The following KIF26B variants were observed in gnomAD, a reference collection of about 807,000 sequenced individuals.
The protein encoded by KIF26B is kinesin-like protein KIF26B.
Under a neutral mutation model 151.2 loss-of-function variants are expected in KIF26B, and 63 were observed. That is an observed-to-expected ratio of 0.42 (90% CI 0.34 to 0.51). The LOEUF is 0.51. KIF26B is among the 20% of genes least tolerant of loss of function. The pLI is 0.07. For missense variants in KIF26B, 2,813 were observed against 2,913.6 expected (o/e 0.97, Z 0.79); for synonymous variants, 1,357 against 1,262.1 (o/e 1.08, Z -1.59).
At position 245,702,908 on chromosome 1, in the gene KIF26B, CAAAAG is replaced by C; in HGVS notation, c.*304_*308del. 1 of 314,730 alleles carries C rather than the reference CAAAAG, an allele frequency of 3.2e-6. No homozygotes were observed. The highest frequency in any genetic ancestry group is 5.8e-6 in the Non-Finnish European group (1 of 173,068). 19.5% of individuals were successfully genotyped at this position (314,730 alleles called of 1,614,324 possible). ...CTTGTTTGTACATAAGAACTGCTAG[CAAAAG>C]AGACCTCACTCTTCTCTTGCTTTCG... On this transcript the variant is annotated 3_prime_UTR_variant, in exon 15 of 15. Coordinates refer to ENST00000407071, the MANE Select transcript of KIF26B (RefSeq NM_018012.4). The surrounding 1 kb of genome is among the most constrained non-coding windows in gnomAD (Gnocchi z 4.1).
chr1:245,656,346 G>C (rs1174093484), intron 10 of KIF26B, among the ~76,000 whole-genome samples: 1 of 152,168 alleles, frequency 6.6e-6, no homozygotes, highest in Non-Finnish European at 1.5e-5. Context: ...GTTTGCCACA[G>C]TCCGTCCTCT....
At chr1:245,329,848 C>T (rs1282948064) in intron 2 of KIF26B, among the ~76,000 whole-genome samples, 3 of 152,198 alleles carry the variant, frequency 2.0e-5, no homozygotes, top group East Asian at 3.8e-4. Flanking sequence ...GGCCTCACTC[C>T]GTTGTACAGG....
At chr1:245,266,650 G>A (rs1670751320) in intron 2 of KIF26B, among the ~76,000 whole-genome samples, 1 of 152,134 alleles carries the variant, frequency 6.6e-6, no homozygotes. Flanking sequence ...GGGACTACAG[G>A]CGCCTACCAC....
chr1:245,703,566 C>A lies in KIF26B; in HGVS notation c.*960C>A, dbSNP rs2044802450. 6.6e-6 allele frequency: 1 copy of A among 152,200 alleles called. No homozygotes were observed. Among genetic ancestry groups the A allele is most frequent in the Admixed American group, 6.5e-5 (1 of 15,284 alleles). 9.4% of individuals were successfully genotyped at this position (152,200 alleles called of 1,614,324 possible). A position where few individuals can be genotyped will look rare whatever the true frequency, so the allele number is the denominator to read the frequency against. ...ACATGTGGTTCCTTGACCCACAAATCCACAGTTTGCGTGGCCCTCAAAATT... is the reference window on the plus strand; with the variant it reads ...ACATGTGGTTCCTTGACCCACAAATACACAGTTTGCGTGGCCCTCAAAATT... On this transcript the variant is annotated 3_prime_UTR_variant, in exon 15 of 15. Transcript: ENST00000407071.
intron 10 of KIF26B, among the ~76,000 whole-genome samples, chr1:245,658,993 A>C (rs1017089589): frequency 6.6e-6 from 1 of 152,174 alleles, no homozygotes; most frequent in Non-Finnish European, 1.5e-5. Context: ...GCACTTCAGG[A>C]AGCCAAGGCA....
At chr1:245,613,748 G>A (rs192389054) in intron 9 of KIF26B, among the ~76,000 whole-genome samples, 29 of 152,300 alleles carry the variant, frequency 1.9e-4, no homozygotes, top group South Asian at 8.3e-4. Flanking sequence ...AGGCAAAAGC[G>A]CCTCCCTTCC....
intron 2 of KIF26B, among the ~76,000 whole-genome samples, chr1:245,186,026 C>T: frequency 6.6e-6 from 1 of 152,100 alleles, no homozygotes; most frequent in Non-Finnish European, 1.5e-5. Flanking sequence ...AGGTGCCCGC[C>T]ACCACGTCCA....
chr1:245,202,069 G>A (rs570013170), intron 2 of KIF26B, among the ~76,000 whole-genome samples: 4 of 152,298 alleles, frequency 2.6e-5, no homozygotes, highest in African/African-American at 9.6e-5. Flanking sequence ...TTGCGAGGCA[G>A]GCCATATGTA....
intron 4 of KIF26B, among the ~76,000 whole-genome samples, chr1:245,462,405 AGTCGAG>A: frequency 6.6e-6 from 1 of 152,250 alleles, no homozygotes; most frequent in South Asian, 2.1e-4. Flanking sequence ...AATGTGCTAA[AGTCGAG>A]TTTTGCAGTG....
chr1:245,481,208 T>G (rs575298364), intron 4 of KIF26B, among the ~76,000 whole-genome samples: 15 of 151,976 alleles, frequency 9.9e-5, no homozygotes, highest in African/African-American at 3.6e-4. Flanking sequence ...TCTTTACTAC[T>G]GTGTGGATTT....
At chr1:245,593,983 T>A (rs949310914) in intron 5 of KIF26B, among the ~76,000 whole-genome samples, 1 of 152,250 alleles carries the variant, frequency 6.6e-6, no homozygotes, top group African/African-American at 2.4e-5. Flanking sequence ...TTGAGAAGTG[T>A]CTGTTCATAT....
intron 4 of KIF26B, among the ~76,000 whole-genome samples, chr1:245,431,384 G>A (rs1170977899): frequency 2.8e-5 from 4 of 141,532 alleles, no homozygotes; most frequent in Non-Finnish European, 3.0e-5. Flanking sequence ...TTGCATTGTC[G>A]CCCAGGCTAG....
intron 2 of KIF26B, among the ~76,000 whole-genome samples, chr1:245,276,330 T>A (rs1052648100): frequency 4.6e-5 from 7 of 150,674 alleles, no homozygotes; most frequent in African/African-American, 1.7e-4. Context: ...GACTTCCATC[T>A]TAAAAAAAAA....
intron 12 of KIF26B, among the ~76,000 whole-genome samples, chr1:245,694,833 A>T (rs910822242): frequency 6.6e-6 from 1 of 152,244 alleles, no homozygotes; most frequent in Non-Finnish European, 1.5e-5. Flanking sequence ...CCATGTCGGC[A>T]GGTATCAGCC....
intron 4 of KIF26B, among the ~76,000 whole-genome samples, chr1:245,513,919 C>G (rs1165719266): frequency 6.6e-6 from 1 of 152,206 alleles, no homozygotes; most frequent in Non-Finnish European, 1.5e-5. Flanking sequence ...GCAGAGAACT[C>G]TCAAGCTCCT....
intron 4 of KIF26B, among the ~76,000 whole-genome samples, chr1:245,431,672 T>A (rs1233837852): frequency 1.3e-5 from 2 of 152,226 alleles, no homozygotes; most frequent in East Asian, 3.9e-4. Context: ...AGAAACAGGG[T>A]TTCACCATAT....
intron 5 of KIF26B, among the ~76,000 whole-genome samples, chr1:245,555,425 G>A (rs895654877): frequency 6.6e-6 from 1 of 152,078 alleles, no homozygotes; most frequent in Admixed American, 6.5e-5. Flanking sequence ...TTCATTTCAG[G>A]CCAGCTTTCT....
At position 245,702,863 on chromosome 1, in the gene KIF26B, C is replaced by T. The variant is rs902667060; in HGVS notation, c.*257C>T. 9.7e-6 allele frequency: 4 copies of T among 410,866 alleles called. No homozygotes were observed. The highest frequency in any genetic ancestry group is 1.3e-5 in the Non-Finnish European group (3 of 231,722). The allele number at this position is 410,866 out of a possible 1,614,324, so 25.5% of individuals were successfully genotyped here. ...CAAGCCCTGTGAGACTGAAAAAGCA[C>T]TTTGAGGAACCTTAAAGACCTTGTT... On this transcript the variant is annotated 3_prime_UTR_variant, in exon 15 of 15. Coordinates refer to ENST00000407071, the MANE Select transcript of KIF26B (RefSeq NM_018012.4). The surrounding 1 kb of genome is among the most constrained non-coding windows in gnomAD (Gnocchi z 4.1).
At chr1:245,639,255 T>A (rs575356230) in intron 9 of KIF26B, among the ~76,000 whole-genome samples, 2 of 152,002 alleles carry the variant, frequency 1.3e-5, no homozygotes, top group South Asian at 4.1e-4. Flanking sequence ...TCCAATTTAT[T>A]GGCATATAGT....
Sources: gnomAD v4.1 joint callset for allele counts (sites outside exome capture counted in the v4.1 genomes callset) on GRCh38, gnomAD v4.1.1 for gene constraint, Gnocchi (gnomAD v3.1) non-coding constraint, MANE v1.5 for transcripts, NCBI Gene and HGNC (gene_info 2026-07-23, HGNC 2026-07-21) for gene names.